GRM4: variants seen among roughly 807,000 people sequenced by gnomAD.
GRM4 encodes the protein glutamate metabotropic receptor 4.
A neutral mutation model predicts 81.7 loss-of-function variants in GRM4; 28 were observed. The ratio of observed to expected loss-of-function variants is 0.34; its 90% CI spans 0.25 to 0.47. The LOEUF is 0.47. GRM4 is among the 20% of genes least tolerant of loss of function. GRM4 has a pLI of 1.00. For missense variants in GRM4, 948 were observed against 1,290.0 expected (o/e 0.73, Z 4.06); for synonymous variants, 488 against 528.8 (o/e 0.92, Z 1.06).
At chr6:34,030,981 GGAATTT>G (rs1260859850) in intron 9 of GRM4, among the ~76,000 whole-genome samples, 1 of 152,184 alleles carries the variant, frequency 6.6e-6, no homozygotes, top group Non-Finnish European at 1.5e-5. Context: ...CCCAGGGTGT[GGAATTT>G]GAGCCCCACC....
chr6:34,141,619 T>C (rs1581739213), intron 1 of GRM4, among the ~76,000 whole-genome samples: 1 of 151,778 alleles, frequency 6.6e-6, no homozygotes, highest in Non-Finnish European at 1.5e-5. Flanking sequence ...GTGGTGCTCG[T>C]TTTTCCAAGG....
At chr6:34,097,592 C>T (rs1294348633) in intron 2 of GRM4, among the ~76,000 whole-genome samples, 4 of 152,344 alleles carry the variant, frequency 2.6e-5, no homozygotes, top group African/African-American at 4.8e-5. Flanking sequence ...TGACCCAGAA[C>T]GCCCACAGCT....
rs557398145 is a variant in GRM4, at chr6:34,028,700, G to C, written c.2443-334C>G. On this transcript the variant is annotated intron_variant, in intron 9 of 10. Transcript: ENST00000538487. ...AAGTGTGGAAAACATCTGGCACATG[G>C]TAAGTGCCATTTCAGGTTACCGCTG... Among the ~76,000 whole-genome samples the C allele has an allele frequency of 2.6e-5, 4 of 152,322 alleles. No homozygotes were observed. In the South Asian group the frequency reaches 8.3e-4, roughly 32 times the overall value.
chr6:34,133,262 GCC>G lies in GRM4; in HGVS notation c.233_234del (p.Arg78ProfsTer20). Reference protein sequence around the residue: ...GELKKEKGIHRLEAMLFALDR... With the variant: ...GELKKEKGIHXLEAMLFALDR... Reference sequence around the variant, plus strand: ...TCCAGGGCGAACAGCATGGCCTCCAGCCGGTGGATGCCCTTTTCCTTCTTAAG... The same window carrying G: ...TCCAGGGCGAACAGCATGGCCTCCAGGGTGGATGCCCTTTTCCTTCTTAAG... On this transcript the variant is annotated frameshift_variant, in exon 2 of 11. Coordinates refer to ENST00000538487, the MANE Select transcript of GRM4 (RefSeq NM_000841.4). LOFTEE classifies it high-confidence loss of function. The surrounding 1 kb of genome is among the most constrained non-coding windows in gnomAD (Gnocchi z 6.5). 1 of 1,614,204 alleles carries G rather than the reference GCC, an allele frequency of 6.2e-7. No homozygotes were observed. The highest frequency in any genetic ancestry group is 8.5e-7 in the Non-Finnish European group (1 of 1,180,018).
At chr6:34,037,893 G>T (rs1764798121) in intron 8 of GRM4, among the ~76,000 whole-genome samples, 1 of 151,158 alleles carries the variant, frequency 6.6e-6, no homozygotes, top group South Asian at 2.1e-4. Flanking sequence ...ATAAAGGAAA[G>T]GGGTAAGGTG....
Position 34,022,749 on chromosome 6 carries a change from G to T in GRM4, c.*72C>A. ...GCAGGCAAGACAGCTGGGCCCTTGG[G>T]TGTGGCCCTGGCCCGACGCACCTTC... is the stretch of plus-strand genomic sequence containing the variant. On this transcript the variant is annotated 3_prime_UTR_variant, in exon 11 of 11. Coordinates refer to ENST00000538487, the MANE Select transcript of GRM4 (RefSeq NM_000841.4). The surrounding 1 kb of genome is among the most constrained non-coding windows in gnomAD (Gnocchi z 5.6). 7.4e-7 allele frequency: 1 copy of T among 1,342,946 alleles called. No individual in the cohort carries two copies. The highest frequency in any genetic ancestry group is 1.1e-6 in the Non-Finnish European group (1 of 933,940). The allele number at this position is 1,342,946 out of a possible 1,614,324, so 83.2% of individuals were successfully genotyped here.
At chr6:34,142,910 T>G in intron 1 of GRM4, among the ~76,000 whole-genome samples, 1 of 152,218 alleles carries the variant, frequency 6.6e-6, no homozygotes, top group East Asian at 1.9e-4. Flanking sequence ...CCCCTCCGCC[T>G]GCTCAGGACC....
intron 2 of GRM4, among the ~76,000 whole-genome samples, chr6:34,122,623 G>T (rs1769856757): frequency 6.8e-6 from 1 of 146,130 alleles, no homozygotes; most frequent in African/African-American, 2.5e-5. Context: ...GCGGGGGGTG[G>T]GGGGGGCAGC....
At chr6:34,144,724 G>A (rs6904041) in intron 1 of GRM4, among the ~76,000 whole-genome samples, 7,899 of 152,192 alleles carry the variant, frequency 0.052, 568 homozygotes, top group African/African-American at 0.16. Context: ...CCGCCTCTCC[G>A]CAGACCGGGA....
intron 1 of GRM4, among the ~76,000 whole-genome samples, chr6:34,137,856 A>G: frequency 6.8e-6 from 1 of 146,498 alleles, no homozygotes; most frequent in East Asian, 2.0e-4. Flanking sequence ...TCAGCCTCCC[A>G]AAGTACTGGG....
chr6:34,028,498 G>A, intron 9 of GRM4, 132 bp from the exon 10 acceptor site: 1 of 921,082 alleles, frequency 1.1e-6, no homozygotes, highest in Non-Finnish European at 1.6e-6. Flanking sequence ...GCTTGGAGCT[G>A]GGACTGCAGA....
chr6:34,101,400 C>T (rs940340897), intron 2 of GRM4, among the ~76,000 whole-genome samples: 4 of 152,198 alleles, frequency 2.6e-5, no homozygotes, highest in African/African-American at 9.7e-5. Flanking sequence ...GATTTGAACT[C>T]GAACTAGCTG....
intron 1 of GRM4, among the ~76,000 whole-genome samples, chr6:34,145,534 C>T (rs1462008354): frequency 1.3e-5 from 2 of 152,202 alleles, no homozygotes; most frequent in African/African-American, 4.8e-5. Flanking sequence ...GGCGCCGCAA[C>T]AGCGGCAACA....
chr6:34,110,432 C>A (rs9469716), intron 2 of GRM4, among the ~76,000 whole-genome samples: 10,492 of 151,870 alleles, frequency 0.069, 736 homozygotes, highest in African/African-American at 0.18. Context: ...CCCCCTCCCC[C>A]ACCCGACCTG....
At position 34,047,955 on chromosome 6, in the gene GRM4, C is replaced by T. The variant is rs1265614695; in HGVS notation, c.1169-7207G>A. Reference sequence around the variant, plus strand: ...TTGCAAACCCTCAAGAATATGACCCCAGCAAAAAAACACTAAGGAGAGAAG... The same window carrying T: ...TTGCAAACCCTCAAGAATATGACCCTAGCAAAAAAACACTAAGGAGAGAAG... On this transcript the variant is annotated intron_variant, in intron 6 of 10. Coordinates refer to ENST00000538487, the MANE Select transcript of GRM4 (RefSeq NM_000841.4). This position sits in a 1 kb window ranked among gnomAD's most constrained non-coding sequence, Gnocchi z 4.5. 1.3e-5 allele frequency among the ~76,000 whole-genome samples: 2 copies of T among 152,042 alleles called. No individual in the cohort carries two copies. Among genetic ancestry groups the T allele is most frequent in the African/African-American group, 4.8e-5 (2 of 41,408 alleles).
At chr6:34,108,742 C>G (rs1769240760) in intron 2 of GRM4, among the ~76,000 whole-genome samples, 1 of 152,160 alleles carries the variant, frequency 6.6e-6, no homozygotes, top group African/African-American at 2.4e-5. Flanking sequence ...TGGGAGGTGG[C>G]AGAGAACAGG....
Position 34,155,364 on chromosome 6 carries a change from T to G in GRM4, c.27A>C (p.Ala9=), listed in dbSNP as rs1244829369. ...GAGGGGCGCGCCAGCCGCAGGAAGC[T>G]GCAACTCCAGGCTCCCAAGCCGGCA... The change falls in exon 1 of 9, where the codon GCA becomes GCC. Residue 9 remains alanine (A), a synonymous_variant. Coordinates refer to the GRM4 transcript ENST00000374177. 8 of 1,508,792 alleles carry G rather than the reference T, an allele frequency of 5.3e-6. No individual in the cohort carries two copies. In the East Asian group the frequency reaches 2.0e-4, roughly 37 times the overall value. The allele number at this position is 1,508,792 out of a possible 1,614,324, so 93.5% of individuals were successfully genotyped here.
intron 2 of GRM4, among the ~76,000 whole-genome samples, chr6:34,126,566 A>G (rs74928523): frequency 0.016 from 2,368 of 152,266 alleles, 41 homozygotes; most frequent in Non-Finnish European, 0.02. Context: ...TTTTGAGGGG[A>G]AGAAACATAT....
Position 34,090,741 on chromosome 6 carries a change from GGT to G in GRM4, c.736+1140_736+1141del, listed in dbSNP as rs1269169466. ...ATTTATAGCAGGATTATGCCCACGG[GGT>G]GTTACCAACGGCAGCCTCTGGACAC... On this transcript the variant is annotated intron_variant, in intron 3 of 10. Coordinates refer to ENST00000538487, the MANE Select transcript of GRM4 (RefSeq NM_000841.4). The surrounding 1 kb of genome is among the most constrained non-coding windows in gnomAD (Gnocchi z 5.2). 6.6e-6 allele frequency among the ~76,000 whole-genome samples: 1 copy of G among 152,060 alleles called. No homozygotes were observed. Among genetic ancestry groups the G allele is most frequent in the Non-Finnish European group, 1.5e-5 (1 of 68,012 alleles).
Sources: allele counts gnomAD v4.1 joint callset (sites outside exome capture counted in the v4.1 genomes callset), GRCh38; gene constraint gnomAD v4.1.1; non-coding constraint Gnocchi (gnomAD v3.1); transcripts MANE v1.5; gene names NCBI Gene and HGNC (gene_info 2026-07-23, HGNC 2026-07-21).